Variants in KATNAL2 observed in about 807,000 individuals in gnomAD.
The protein encoded by KATNAL2 is katanin catalytic subunit A1 like 2.
Under a neutral mutation model 76.3 loss-of-function variants are expected in KATNAL2, and 52 were observed. The ratio of observed to expected loss-of-function variants is 0.68; its 90% CI spans 0.55 to 0.86. The LOEUF is 0.86. Ranked by LOEUF, KATNAL2 falls within the 40% of genes least tolerant of loss-of-function variation. KATNAL2 has a pLI of 0.00. For synonymous variants in KATNAL2, 243 were observed against 244.2 expected (o/e 1.00, Z 0.05); for missense variants, 660 against 668.9 (o/e 0.99, Z 0.15).
chr18:47,089,448 A>G (rs957344640), intron 15 of KATNAL2, among the ~76,000 whole-genome samples: 2 of 152,194 alleles, frequency 1.3e-5, no homozygotes, highest in Admixed American at 6.5e-5. Flanking sequence ...AGCAATTAGA[A>G]GTTATTTTCA....
rs2063448581 is a variant in KATNAL2 at position 47,102,156 on chromosome 18, A to G, written c.*1151A>G. ...TCGATTATTTTGAGATTATTCTCAA[A>G]TGCCTCTTTAAACATCATTTCATGG... On this transcript the variant is annotated 3_prime_UTR_variant, in exon 18 of 18. Transcript: ENST00000683218. 1 of 152,240 alleles carries G rather than the reference A, an allele frequency of 6.6e-6. No homozygotes were observed. The highest frequency in any genetic ancestry group is 2.1e-4 in the South Asian group (1 of 4,834). The allele number at this position is 152,240 out of a possible 1,614,324, so 9.4% of individuals were successfully genotyped here.
intron 3 of KATNAL2, chr18:47,028,318 T>TGCC (rs750923702): frequency 3.4e-5 from 4 of 116,610 alleles, no homozygotes; most frequent in Non-Finnish European, 5.4e-5. Context: ...CGGTTGCTGC[T>TGCC]GCCGCCGCCG....
intron 16 of KATNAL2, 100 bp from the exon 17 acceptor site, chr18:47,100,154 A>C (rs2063405099): frequency 2.6e-6 from 2 of 762,592 alleles, no homozygotes; most frequent in Non-Finnish European, 4.5e-6. Flanking sequence ...ACAGATACAG[A>C]ATCTACACAG....
chr18:47,061,209 C>T (rs1245825938), intron 8 of KATNAL2, among the ~76,000 whole-genome samples: 1 of 152,150 alleles, frequency 6.6e-6, no homozygotes. Context: ...AAAGGAATAC[C>T]TGAGGCTGAG....
At chr18:47,064,716 A>G (rs1488055106) in intron 10 of KATNAL2, among the ~76,000 whole-genome samples, 1 of 152,150 alleles carries the variant, frequency 6.6e-6, no homozygotes, top group Non-Finnish European at 1.5e-5. Flanking sequence ...GGATAGAACT[A>G]TAGAGTGGAA....
At chr18:47,066,170 T>C (rs1189116118) in intron 10 of KATNAL2, among the ~76,000 whole-genome samples, 1 of 151,694 alleles carries the variant, frequency 6.6e-6, no homozygotes, top group Admixed American at 6.6e-5. Context: ...AATAATTAGT[T>C]TCAGATTTTT....
chr18:46,961,553 C>T (rs2059953479), intron 3 of KATNAL2, among the ~76,000 whole-genome samples: 2 of 152,150 alleles, frequency 1.3e-5, no homozygotes, highest in African/African-American at 4.8e-5. Context: ...AATAAACTTA[C>T]AATGAGGGTT....
intron 13 of KATNAL2, among the ~76,000 whole-genome samples, chr18:47,070,595 T>C (rs2061965106): frequency 2.0e-5 from 3 of 152,212 alleles, no homozygotes; most frequent in Admixed American, 6.5e-5. Context: ...GGCAGATATG[T>C]AATCAATATA....
intron 1 of KATNAL2, among the ~76,000 whole-genome samples, chr18:46,926,069 T>C (rs1294280733): frequency 6.6e-6 from 1 of 152,220 alleles, no homozygotes; most frequent in Non-Finnish European, 1.5e-5. Context: ...AAGGGTTTTT[T>C]GTGTCTCTAT....
At chr18:47,073,712 TTAGCAAATGCA>T (rs2147225487) in intron 13 of KATNAL2, among the ~76,000 whole-genome samples, 1 of 152,356 alleles carries the variant, frequency 6.6e-6, no homozygotes, top group Admixed American at 6.5e-5. Context: ...AGTGGTCTCT[TTAGCAAATGCA>T]TACATCTGTT....
rs987678255 is a variant in KATNAL2, at chr18:47,070,861, A to G, written c.1008+1261A>G. Among the ~76,000 whole-genome samples, 3 of 152,128 alleles carry G rather than the reference A, an allele frequency of 2.0e-5. No homozygotes were observed. The South Asian group carries it at 6.2e-4, about 32-fold the overall frequency. On this transcript the variant is annotated intron_variant, in intron 13 of 17. Coordinates refer to ENST00000683218, the MANE Select transcript of KATNAL2 (RefSeq NM_001387690.1). ...GTAATTTGTGGAAATCTACATTGAT[A>G]TCTTCTATTTCTTTGTTCTTCATCT... is the stretch of plus-strand genomic sequence containing the variant.
intron 11 of KATNAL2, among the ~76,000 whole-genome samples, chr18:47,068,569 G>A (rs2061888711): frequency 6.6e-6 from 1 of 152,198 alleles, no homozygotes; most frequent in Non-Finnish European, 1.5e-5. Context: ...ATCAGGATTA[G>A]CATGAAACTA....
intron 3 of KATNAL2, among the ~76,000 whole-genome samples, chr18:46,947,865 C>T (rs954146141): frequency 7.9e-5 from 12 of 152,148 alleles, no homozygotes; most frequent in African/African-American, 2.7e-4. Flanking sequence ...GTTGGCTACA[C>T]ATGTTGTTGC....
intron 3 of KATNAL2, among the ~76,000 whole-genome samples, chr18:46,957,763 T>C (rs1476030174): frequency 1.3e-5 from 2 of 150,574 alleles, no homozygotes; most frequent in Non-Finnish European, 3.0e-5. Context: ...GGTTTCTCCA[T>C]GTTGGTCAGG....
intron 3 of KATNAL2, chr18:47,034,761 A>G: frequency 1.2e-6 from 2 of 1,612,620 alleles, no homozygotes; most frequent in South Asian, 1.1e-5. Context: ...GAGAGGCCCG[A>G]TAGCGGCCGG....
At chr18:46,954,291 T>C (rs531837171) in intron 3 of KATNAL2, among the ~76,000 whole-genome samples, 2 of 151,588 alleles carry the variant, frequency 1.3e-5, no homozygotes, top group South Asian at 4.2e-4. Flanking sequence ...GGTTCTGTTA[T>C]ATGTTTTCTT....
intron 1 of KATNAL2, among the ~76,000 whole-genome samples, chr18:46,934,217 C>T (rs1181428479): frequency 2.0e-5 from 3 of 152,206 alleles, no homozygotes; most frequent in East Asian, 3.9e-4. Flanking sequence ...TCTGAGGAAT[C>T]GCCACACTGA....
chr18:47,043,220 C>G (rs1270327087), intron 3 of KATNAL2, among the ~76,000 whole-genome samples: 7 of 43,966 alleles, frequency 1.6e-4, no homozygotes, highest in Non-Finnish European at 2.8e-4. Flanking sequence ...GAGCGAGACT[C>G]CGTTTCAAAA....
intron 3 of KATNAL2, among the ~76,000 whole-genome samples, chr18:47,037,338 C>T (rs1163525997): frequency 1.3e-5 from 2 of 152,062 alleles, no homozygotes; most frequent in African/African-American, 2.4e-5. Context: ...GGCACAATAG[C>T]CCACAAAGGA....
Sources: allele counts gnomAD v4.1 joint callset (sites outside exome capture counted in the v4.1 genomes callset), GRCh38; gene constraint gnomAD v4.1.1; transcripts MANE v1.5; gene names NCBI Gene and HGNC (gene_info 2026-07-23, HGNC 2026-07-21).